The following OR10A2 variants were observed in gnomAD, a reference collection of about 807,000 sequenced individuals.
OR10A2 encodes olfactory receptor 10A2.
A neutral mutation model predicts 13.7 loss-of-function variants in OR10A2; 15 were observed. The observed-to-expected ratio is 1.10, with a 90% CI of 0.73 to 1.69. The LOEUF (loss-of-function observed/expected upper bound fraction) is 1.69, where lower values mean the gene tolerates loss of function less well. Ranked by LOEUF, OR10A2 falls within the 40% of genes most tolerant of loss-of-function variation. The pLI is 0.00. For synonymous variants in OR10A2, 145 were observed against 144.7 expected, an observed-to-expected ratio of 1.00 and a Z score of -0.02; for missense variants, 343 against 361.1, an observed-to-expected ratio of 0.95 and a Z score of 0.41.
At chr11:6,867,410 G>A (rs1465488698) in intron 1 of OR10A2, among the ~76,000 whole-genome samples, 1 of 152,006 alleles carries the variant, frequency 6.6e-6, no homozygotes, top group Non-Finnish European at 1.5e-5. Flanking sequence ...GGGTGTTTCA[G>A]CATGTTGGCC....
rs1205774271 is a variant in OR10A2, at chr11:6,872,972, G to A, written c.*2306G>A. The A allele has an allele frequency of 7.1e-6, 1 of 141,116 alleles. No homozygotes were observed. The highest frequency in any genetic ancestry group is 1.5e-5 in the Non-Finnish European group (1 of 65,482). The allele number at this position is 141,116 out of a possible 1,614,324, so 8.7% of individuals were successfully genotyped here. On this transcript the variant is annotated 3_prime_UTR_variant, in exon 2 of 2. Coordinates refer to ENST00000641461, the MANE Select transcript of OR10A2 (RefSeq NM_001004460.2). The stretch of plus-strand genomic sequence containing the variant: ...GTAGCTGGGATTACAGGCGTGCCAA[G>A]CCATGCCCAACTAATTTTTTTTTTG...
chr11:6,870,117 C>G lies in OR10A2; in HGVS notation c.363C>G (p.Val121=), dbSNP rs1201459572. 2 of 1,614,240 alleles carry G rather than the reference C, an allele frequency of 1.2e-6. No homozygotes were observed. The highest frequency in any genetic ancestry group is 1.7e-6 in the Non-Finnish European group (2 of 1,180,054). ...VAICSPLHYP[V]IMNQRTRAKL... ...TCTGCAGTCCCTTGCACTACCCAGT[C>G]ATCATGAACCAAAGGACTCGTGCCA... is the stretch of plus-strand genomic sequence containing the variant. The change falls in exon 2 of 2, where the codon GTC becomes GTG. Residue 121 remains valine, a synonymous_variant. Transcript: ENST00000641461.
rs1848444710 is a variant in OR10A2, at chr11:6,872,565, G to C, written c.*1899G>C. ...GGTAGCAGAATTATGGCTCACTGTAGCCTCAAACACCTGGGCTCAGGCCAT... is the reference window on the plus strand; with the variant it reads ...GGTAGCAGAATTATGGCTCACTGTACCCTCAAACACCTGGGCTCAGGCCAT... On this transcript the variant is annotated 3_prime_UTR_variant, in exon 2 of 2. Transcript: ENST00000641461. The C allele has an allele frequency of 1.3e-5, 2 of 152,148 alleles. No individual in the cohort carries two copies. The highest frequency in any genetic ancestry group is 1.3e-4 in the Admixed American group (2 of 15,274). 9.4% of individuals were successfully genotyped at this position (152,148 alleles called of 1,614,324 possible).
chr11:6,865,801 A>C (rs1449660366), intron 1 of OR10A2, among the ~76,000 whole-genome samples: 1 of 152,216 alleles, frequency 6.6e-6, no homozygotes, highest in Non-Finnish European at 1.5e-5. Context: ...TTCTGTCAAC[A>C]AAATCATGTA....
At position 6,873,713 on chromosome 11, in the gene OR10A2, G is replaced by A. The variant is rs559623120; in HGVS notation, c.*3047G>A. ...ATTTACTTTATCCCAGGGGCCATAC[G>A]GAGTAATTGAAAGACATTAAGCAGG... On this transcript the variant is annotated 3_prime_UTR_variant, in exon 2 of 2. Transcript: ENST00000641461. 5 of 150,158 alleles carry A rather than the reference G, an allele frequency of 3.3e-5. No individual in the cohort carries two copies. Among genetic ancestry groups the A allele is most frequent in the Admixed American group, 6.7e-5 (1 of 14,984 alleles). The allele number at this position is 150,158 out of a possible 1,614,324, so 9.3% of individuals were successfully genotyped here.
chr11:6,870,831 T>G lies in OR10A2; in HGVS notation c.*165T>G, dbSNP rs1848426863. The G allele has an allele frequency of 2.0e-5, 11 of 547,756 alleles. No homozygotes were observed. The South Asian group carries it at 3.5e-4, about 17-fold the overall frequency. The allele number at this position is 547,756 out of a possible 1,614,324, so 33.9% of individuals were successfully genotyped here. A position where few individuals can be genotyped will look rare whatever the true frequency, so the allele number is the denominator to read the frequency against. ...AAGGAGCAGAGAAGTAGTTTCGACC[T>G]AGCACCACCAACTATGAAAACTCCT... On this transcript the variant is annotated 3_prime_UTR_variant, in exon 2 of 2. Transcript: ENST00000641461.
At chr11:6,865,207 TC>T (rs1848370831) in intron 1 of OR10A2, among the ~76,000 whole-genome samples, 1 of 148,366 alleles carries the variant, frequency 6.7e-6, no homozygotes, top group South Asian at 2.1e-4. Context: ...AATTTGGAAA[TC>T]CAGAAAAATA....
Position 6,874,320 on chromosome 11 carries a change from A to G in OR10A2, c.*3654A>G, listed in dbSNP as rs1848464648. ...TAAAAAAATGAATAACACAATTTCT[A>G]TTTCAAGGAGCATGTCATCTACTGT... On this transcript the variant is annotated 3_prime_UTR_variant, in exon 2 of 2. Coordinates refer to ENST00000641461, the MANE Select transcript of OR10A2 (RefSeq NM_001004460.2). The G allele has an allele frequency of 6.6e-6, 1 of 152,216 alleles. No individual in the cohort carries two copies. The highest frequency in any genetic ancestry group is 1.5e-5 in the Non-Finnish European group (1 of 68,046). The allele number at this position is 152,216 out of a possible 1,614,324, so 9.4% of individuals were successfully genotyped here.
intron 1 of OR10A2, among the ~76,000 whole-genome samples, chr11:6,866,390 T>G (rs562816681): frequency 6.6e-6 from 1 of 152,332 alleles, no homozygotes; most frequent in African/African-American, 2.4e-5. Flanking sequence ...AACACAAATT[T>G]GTAAACTTTC....
chr11:6,870,472 A>G lies in OR10A2; in HGVS notation c.718A>G (p.Ile240Val), dbSNP rs766354013. The G allele has an allele frequency of 5.6e-6, 9 of 1,614,096 alleles. No homozygotes were observed. Among genetic ancestry groups the G allele is most frequent in the Admixed American group, 3.3e-5 (2 of 60,018 alleles). ...CCTCCTTGTTGTCTCTCTTTTCTAT[A>G]TATCATTAAGCCTCACCTACTTCCG... Reference protein sequence around the residue: ...SHLLVVSLFYISLSLTYFRPK... With the variant: ...SHLLVVSLFYVSLSLTYFRPK... Residue 240 changes from isoleucine to valine, a missense_variant, in exon 2 of 2, where the codon ATA becomes GTA. Coordinates refer to ENST00000641461, the MANE Select transcript of OR10A2 (RefSeq NM_001004460.2).
At position 6,871,398 on chromosome 11, in the gene OR10A2, G is replaced by GTC. The variant is rs1554929652; in HGVS notation, c.*732_*733insTC. 2.3e-5 allele frequency: 3 copies of GTC among 132,562 alleles called. No individual in the cohort carries two copies. The highest frequency in any genetic ancestry group is 5.2e-5 in the Non-Finnish European group (3 of 57,458). 8.2% of individuals were successfully genotyped at this position (132,562 alleles called of 1,614,324 possible). A position where few individuals can be genotyped will look rare whatever the true frequency, so the allele number is the denominator to read the frequency against. The stretch of plus-strand genomic sequence containing the variant: ...TGGGCAGATCTGACTCTACATTCAT[G>GTC]ACAGAAAATCTCATGATCTTTCCCA... On this transcript the variant is annotated 3_prime_UTR_variant, in exon 2 of 2. Transcript: ENST00000641461.
In OR10A2 at chr11:6,863,121, T is replaced by C. The variant is rs891433139; in HGVS notation, c.-363T>C. On this transcript the variant is annotated 5_prime_UTR_variant, in exon 1 of 2. An upstream start codon of the reference 5' UTR is lost. Coordinates refer to ENST00000641461, the MANE Select transcript of OR10A2 (RefSeq NM_001004460.2). ...TCTCCCAAAACCAGGACTGGGAGCA[T>C]GGCCAAACTTCATAGTGAGCTTACT... 2.6e-5 allele frequency: 4 copies of C among 152,216 alleles called. No individual in the cohort carries two copies. The highest frequency in any genetic ancestry group is 7.2e-5 in the African/African-American group (3 of 41,446). 9.4% of individuals were successfully genotyped at this position (152,216 alleles called of 1,614,324 possible).
intron 1 of OR10A2, among the ~76,000 whole-genome samples, chr11:6,865,236 C>T (rs1848370968): frequency 6.7e-6 from 1 of 149,610 alleles, no homozygotes; most frequent in Non-Finnish European, 1.5e-5. Flanking sequence ...TAAATCCCCT[C>T]CTTTTACCAC....
intron 1 of OR10A2, 120 bp from the exon 2 acceptor site, chr11:6,869,503 A>T (rs1848406098): frequency 3.8e-6 from 2 of 519,804 alleles, no homozygotes; most frequent in Non-Finnish European, 6.9e-6. Context: ...GCTCCTCTAG[A>T]AGCTGATTCA....
chr11:6,866,620 G>A (rs1369833195), intron 1 of OR10A2, among the ~76,000 whole-genome samples: 1 of 151,320 alleles, frequency 6.6e-6, no homozygotes, highest in Non-Finnish European at 1.5e-5. Context: ...ATATCATTGG[G>A]GTCTTTATAA....
intron 1 of OR10A2, among the ~76,000 whole-genome samples, chr11:6,863,671 C>T (rs957125204): frequency 5.9e-5 from 9 of 152,114 alleles, no homozygotes; most frequent in Admixed American, 4.6e-4. Context: ...ATACCCCCTT[C>T]AGGTCTTGAT....
rs1848452245 is a variant in OR10A2, at chr11:6,873,026, A to G, written c.*2360A>G. 1 of 151,418 alleles carries G rather than the reference A, an allele frequency of 6.6e-6. No individual in the cohort carries two copies. The highest frequency in any genetic ancestry group is 6.6e-5 in the Admixed American group (1 of 15,168). The allele number at this position is 151,418 out of a possible 1,614,324, so 9.4% of individuals were successfully genotyped here. ...TTTTTAGTAGAGATGCAGTTTTACCATGTTGGAGCTCCTGGCCTCAAGTGA... is the reference window on the plus strand; with the variant it reads ...TTTTTAGTAGAGATGCAGTTTTACCGTGTTGGAGCTCCTGGCCTCAAGTGA... On this transcript the variant is annotated 3_prime_UTR_variant, in exon 2 of 2. Transcript: ENST00000641461.
intron 1 of OR10A2, among the ~76,000 whole-genome samples, chr11:6,864,305 C>CA (rs5789482): frequency 0.37 from 52,525 of 142,068 alleles, 9,111 homozygotes; most frequent in South Asian, 0.42. Flanking sequence ...GCGGTTCTAA[C>CA]AAAAAAAAAA....
At chr11:6,869,096 G>A (rs889884957) in intron 1 of OR10A2, among the ~76,000 whole-genome samples, 1 of 152,184 alleles carries the variant, frequency 6.6e-6, no homozygotes, top group Non-Finnish European at 1.5e-5. Context: ...GATCTTCCAT[G>A]TGATTTGTGT....
Sources: allele counts gnomAD v4.1 joint callset (sites outside exome capture counted in the v4.1 genomes callset), GRCh38; gene constraint gnomAD v4.1.1; transcripts MANE v1.5; gene names NCBI Gene and HGNC (gene_info 2026-07-23, HGNC 2026-07-21).